The following SPATA18 variants were observed in gnomAD, a reference collection of about 807,000 sequenced individuals.
The protein encoded by SPATA18 is spermatogenesis associated 18.
SPATA18 carries 54 observed loss-of-function variants against 68.1 expected under a neutral mutation model. That is an observed-to-expected ratio of 0.79 (90% CI 0.64 to 0.99). SPATA18 has a LOEUF of 0.99. SPATA18 is among the 50% of genes least tolerant of loss of function. The pLI is 0.00. For missense variants in SPATA18, 724 were observed against 681.1 expected, an observed-to-expected ratio of 1.06 and a Z score of -0.70; for synonymous variants, 242 against 244.8, an observed-to-expected ratio of 0.99 and a Z score of 0.11.
At chr4:52,064,060 A>T (rs1739114996) in intron 4 of SPATA18, among the ~76,000 whole-genome samples, 1 of 152,156 alleles carries the variant, frequency 6.6e-6, no homozygotes, top group South Asian at 2.1e-4. Flanking sequence ...CTTTAAAAAA[A>T]CTTTTCATTT....
chr4:52,077,513 A>G (rs899500518), intron 7 of SPATA18, among the ~76,000 whole-genome samples: 1 of 151,766 alleles, frequency 6.6e-6, no homozygotes, highest in African/African-American at 2.4e-5. Flanking sequence ...ATGAATAGTT[A>G]TATAATATTT....
At chr4:52,083,040 A>G in intron 10 of SPATA18, 1 of 985,388 alleles carries the variant, frequency 1.0e-6, no homozygotes, top group Non-Finnish European at 1.2e-6. Flanking sequence ...TCCTATATCC[A>G]TTGGTTATAG....
At position 52,079,084 on chromosome 4, in the gene SPATA18, G is replaced by A. The variant is rs139565649; in HGVS notation, c.1179+191G>A. On this transcript the variant is annotated intron_variant, in intron 8 of 12. Transcript: ENST00000295213. ...TGTTTCTTCCTTAAACATATTATAG[G>A]GAAAAAATGTCTGAGTTTCTTTAGA... Among the ~76,000 whole-genome samples, 93 of 152,200 alleles carry A rather than the reference G, an allele frequency of 6.1e-4. 1 individual carries two copies. In the East Asian group the frequency reaches 0.012, roughly 20 times the overall value.
chr4:52,075,327 CT>C (rs747951889), intron 6 of SPATA18, among the ~76,000 whole-genome samples: 7 of 152,152 alleles, frequency 4.6e-5, no homozygotes, highest in Non-Finnish European at 1.0e-4. Flanking sequence ...TGTGCCAATG[CT>C]GTCACCGTGT....
At chr4:52,069,758 C>A in intron 4 of SPATA18, 63 bp from the exon 5 acceptor site, 1 of 1,284,356 alleles carries the variant, frequency 7.8e-7, no homozygotes, top group East Asian at 2.6e-5. Context: ...TGAGCCTCTG[C>A]CTTGATTTAG....
intron 5 of SPATA18, among the ~76,000 whole-genome samples, chr4:52,070,790 T>A (rs975043015): frequency 1.3e-5 from 2 of 151,880 alleles, no homozygotes; most frequent in Admixed American, 6.6e-5. Context: ...ACAAATTTCA[T>A]AAAGATAAAT....
chr4:52,081,151 G>A (rs1290195221), intron 9 of SPATA18, among the ~76,000 whole-genome samples: 1 of 152,148 alleles, frequency 6.6e-6, no homozygotes, highest in African/African-American at 2.4e-5. Flanking sequence ...AGGATGGAGA[G>A]TGCCATTCAG....
intron 5 of SPATA18, among the ~76,000 whole-genome samples, chr4:52,071,201 A>T (rs953133263): frequency 6.6e-6 from 1 of 152,034 alleles, no homozygotes; most frequent in Non-Finnish European, 1.5e-5. Flanking sequence ...TAACTTTCTT[A>T]TCTTCTTAAT....
chr4:52,070,490 A>G (rs1341147194), intron 5 of SPATA18, among the ~76,000 whole-genome samples: 3 of 137,494 alleles, frequency 2.2e-5, no homozygotes, highest in East Asian at 4.6e-4. Context: ...GATCTTTTAA[A>G]GTTATACCTT....
intron 1 of SPATA18, among the ~76,000 whole-genome samples, chr4:52,052,949 C>T (rs1738027070): frequency 1.3e-5 from 2 of 152,188 alleles, no homozygotes; most frequent in South Asian, 4.1e-4. Flanking sequence ...CAAGCGCTGA[C>T]CATTCCTTCT....
chr4:52,058,672 C>G (rs903708405), intron 1 of SPATA18, among the ~76,000 whole-genome samples: 3 of 152,156 alleles, frequency 2.0e-5, no homozygotes, highest in Non-Finnish European at 2.9e-5. Flanking sequence ...ACAGAGAAGC[C>G]TTCCCTGGAT....
Position 52,082,529 on chromosome 4 carries a change from G to A in SPATA18, c.1479+19G>A, listed in dbSNP as rs772323666. 1 of 1,613,984 alleles carries A rather than the reference G, an allele frequency of 6.2e-7. No individual in the cohort carries two copies. The highest frequency in any genetic ancestry group is 1.1e-5 in the South Asian group (1 of 91,080). ...GGCTTTTGTACGGTGGCCTTGCATA[G>A]TGACAATTCATCCCAAGTGTTTGAT... On this transcript the variant is annotated intron_variant, in intron 10 of 12. Coordinates refer to ENST00000295213, the MANE Select transcript of SPATA18 (RefSeq NM_145263.4).
In SPATA18 at chr4:52,051,559, G is replaced by T; in HGVS notation, c.-146G>T. ...CGAACCCGGCCAGGTCCGACCCGAG[G>T]GGGAGGATGGAAACACCTGCCGCGC... On this transcript the variant is annotated 5_prime_UTR_variant, in exon 1 of 13. Transcript: ENST00000295213. 1 of 778,972 alleles carries T rather than the reference G, an allele frequency of 1.3e-6. No individual in the cohort carries two copies. The highest frequency in any genetic ancestry group is 2.5e-5 in the East Asian group (1 of 40,352). 48.3% of individuals were successfully genotyped at this position (778,972 alleles called of 1,614,324 possible).
chr4:52,087,457 A>G (rs886673458), intron 11 of SPATA18, among the ~76,000 whole-genome samples: 2 of 152,174 alleles, frequency 1.3e-5, no homozygotes, highest in Non-Finnish European at 2.9e-5. Context: ...GGTGTAAGGA[A>G]GGGGTCCAGT....
chr4:52,062,097 T>C, intron 3 of SPATA18, 123 bp from the exon 4 acceptor site: 1 of 621,790 alleles, frequency 1.6e-6, no homozygotes, highest in East Asian at 2.6e-5. Context: ...GTACTAGAAC[T>C]TCATGTGCAT....
intron 9 of SPATA18, among the ~76,000 whole-genome samples, chr4:52,081,066 C>T (rs991392595): frequency 1.3e-5 from 2 of 152,234 alleles, no homozygotes; most frequent in Non-Finnish European, 2.9e-5. Context: ...TAGGACATTA[C>T]ACTGCAGTTG....
intron 6 of SPATA18, among the ~76,000 whole-genome samples, chr4:52,074,055 T>C (rs1740101619): frequency 6.6e-6 from 1 of 152,190 alleles, no homozygotes; most frequent in African/African-American, 2.4e-5. Context: ...AGTGATTTCA[T>C]GGTAAGTAAA....
At position 52,077,020 on chromosome 4, in the gene SPATA18, A is replaced by G. The variant is rs1328087546; in HGVS notation, c.1000A>G (p.Ile334Val). 10 of 1,606,452 alleles carry G rather than the reference A, an allele frequency of 6.2e-6. No homozygotes were observed. The highest frequency in any genetic ancestry group is 8.5e-6 in the Non-Finnish European group (10 of 1,176,320). Residue 334 changes from isoleucine (I) to valine (V), a missense_variant, in exon 7 of 13, where the codon ATC becomes GTC. Transcript: ENST00000295213. ...CIDKAETVQR[I>V]IYIATVEAFH... ...CGACAAGGCTGAGACCGTTCAGCGGATCATCTACATCGCCACAGTGGTATG... is the reference window on the plus strand; with the variant it reads ...CGACAAGGCTGAGACCGTTCAGCGGGTCATCTACATCGCCACAGTGGTATG...
At chr4:52,087,385 T>C (rs1186197180) in intron 11 of SPATA18, among the ~76,000 whole-genome samples, 2 of 152,196 alleles carry the variant, frequency 1.3e-5, no homozygotes, top group Admixed American at 6.5e-5. Context: ...TCTTCTAGGA[T>C]TTTTATGGTC....
Sources: allele counts gnomAD v4.1 joint callset (sites outside exome capture counted in the v4.1 genomes callset), GRCh38; gene constraint gnomAD v4.1.1; transcripts MANE v1.5; gene names NCBI Gene and HGNC (gene_info 2026-07-23, HGNC 2026-07-21).